RELN: variants seen among roughly 807,000 people sequenced by gnomAD.
RELN encodes the protein reelin.
RELN carries 108 observed loss-of-function variants against 427.6 expected under a neutral mutation model. The ratio of observed to expected loss-of-function variants is 0.25; its 90% CI spans 0.22 to 0.30. RELN has a LOEUF of 0.30. Among genes scored for constraint, RELN ranks in the 10% least tolerant of loss-of-function variants. The pLI is 1.00. For synonymous variants in RELN, 1,524 were observed against 1,513.4 expected (o/e 1.01, Z -0.16); for missense variants, 3,715 against 4,302.8 (o/e 0.86, Z 3.82).
At chr7:103,604,956 A>C (rs1831781791) in intron 22 of RELN, among the ~76,000 whole-genome samples, 1 of 151,704 alleles carries the variant, frequency 6.6e-6, no homozygotes, top group African/African-American at 2.4e-5. Context: ...CAGCCTCCCA[A>C]ATAGCTGGGA....
intron 17 of RELN, among the ~76,000 whole-genome samples, chr7:103,637,621 G>A (rs1481017394): frequency 6.6e-6 from 1 of 152,196 alleles, no homozygotes; most frequent in Non-Finnish European, 1.5e-5. Flanking sequence ...AAGTTTGAAG[G>A]TTGTCTTGGT....
chr7:103,745,405 G>T (rs1267178124), intron 6 of RELN, among the ~76,000 whole-genome samples: 1 of 150,776 alleles, frequency 6.6e-6, no homozygotes, highest in African/African-American at 2.5e-5. Flanking sequence ...GGTGTTGGAA[G>T]TTCTGGCCAG....
Position 103,953,327 on chromosome 7 carries a change from G to A in RELN, c.226+35804C>T, listed in dbSNP as rs753659772. On this transcript the variant is annotated intron_variant, in intron 1 of 64. Coordinates refer to ENST00000428762, the MANE Select transcript of RELN (RefSeq NM_005045.4). The surrounding 1 kb of genome is among the most constrained non-coding windows in gnomAD (Gnocchi z 4.3). ...GGTTATTGTTTTATCATTTGGTTTC[G>A]GATCCACATTCATAGCGTATTGCAC... Among the ~76,000 whole-genome samples, 44 of 152,038 alleles carry A rather than the reference G, an allele frequency of 2.9e-4. No homozygotes were observed. The highest frequency in any genetic ancestry group is 2.2e-3 in the Admixed American group (33 of 15,262).
chr7:103,615,780 A>G (rs2117300620), intron 20 of RELN, among the ~76,000 whole-genome samples: 1 of 152,324 alleles, frequency 6.6e-6, no homozygotes, highest in South Asian at 2.1e-4. Context: ...GCATGTGAGT[A>G]AGGTCCCTCA....
intron 1 of RELN, among the ~76,000 whole-genome samples, chr7:103,970,909 A>C (rs113975215): frequency 0.027 from 4,175 of 152,210 alleles, 224 homozygotes; most frequent in African/African-American, 0.096. Flanking sequence ...TAATCCCAGC[A>C]CTTTGGGAAG....
intron 1 of RELN, among the ~76,000 whole-genome samples, chr7:103,923,392 T>C (rs1411857978): frequency 6.6e-6 from 1 of 152,140 alleles, no homozygotes; most frequent in Non-Finnish European, 1.5e-5. Context: ...CATTTTGACA[T>C]GGTTTTGTGT....
intron 32 of RELN, 39 bp from the exon 33 acceptor site, chr7:103,566,451 T>C (rs1295740834): frequency 6.2e-7 from 1 of 1,601,516 alleles, no homozygotes; most frequent in South Asian, 1.1e-5. Context: ...AGAAGTTTTG[T>C]TACATAGCAA....
At chr7:103,870,167 T>C (rs571659769) in intron 2 of RELN, among the ~76,000 whole-genome samples, 1 of 152,234 alleles carries the variant, frequency 6.6e-6, no homozygotes, top group Admixed American at 6.6e-5. Context: ...TTTGAACATA[T>C]ATTGCTTTAG....
intron 18 of RELN, among the ~76,000 whole-genome samples, chr7:103,635,872 C>A (rs909535763): frequency 6.6e-6 from 1 of 152,150 alleles, no homozygotes; most frequent in East Asian, 1.9e-4. Flanking sequence ...TTCTTTACTG[C>A]ATTATTTATT....
intron 50 of RELN, chr7:103,512,702 A>AAGTT (rs1383303395): frequency 6.6e-6 from 1 of 152,224 alleles, no homozygotes; most frequent in Non-Finnish European, 1.5e-5. Context: ...TATCCCAGAA[A>AAGTT]AGTTAGAAAT....
intron 4 of RELN, among the ~76,000 whole-genome samples, chr7:103,755,539 C>T (rs1306989221): frequency 2.7e-5 from 4 of 150,554 alleles, no homozygotes; most frequent in East Asian, 2.0e-4. Flanking sequence ...ACCCAGGAGG[C>T]GGAGCTTGCA....
intron 28 of RELN, among the ~76,000 whole-genome samples, chr7:103,580,023 A>G (rs561488181): frequency 2.0e-5 from 3 of 152,284 alleles, no homozygotes; most frequent in African/African-American, 7.2e-5. Context: ...ACCAACATAT[A>G]TTCACCATCA....
intron 41 of RELN, among the ~76,000 whole-genome samples, chr7:103,546,699 T>C (rs1476057815): frequency 4.6e-5 from 7 of 152,210 alleles, no homozygotes; most frequent in Non-Finnish European, 7.3e-5. Flanking sequence ...TCTCTTTCTT[T>C]TTTTGTACCT....
chr7:103,958,508 C>T (rs1004686808), intron 1 of RELN, among the ~76,000 whole-genome samples: 4 of 152,180 alleles, frequency 2.6e-5, no homozygotes, highest in African/African-American at 7.2e-5. Context: ...TCATCTCCCA[C>T]TCCCACCAAA....
chr7:103,618,628 G>A (rs1242115153), intron 20 of RELN, among the ~76,000 whole-genome samples: 10 of 152,012 alleles, frequency 6.6e-5, no homozygotes, highest in South Asian at 2.1e-4. Flanking sequence ...CACCTGTGTC[G>A]TTTTGCTTAT....
At chr7:103,940,015 A>G (rs1231939689) in intron 1 of RELN, among the ~76,000 whole-genome samples, 2 of 152,106 alleles carry the variant, frequency 1.3e-5, no homozygotes, top group Non-Finnish European at 2.9e-5. Flanking sequence ...CATGTATATT[A>G]TTTATTATTT....
Position 103,640,651 on chromosome 7 carries a change from A to G in RELN, c.2003-42T>C. ...GAGAACATAATTACAAAAACATAGAACACTACCAGTACAATTTTGTGAAGT... is the reference window on the plus strand; with the variant it reads ...GAGAACATAATTACAAAAACATAGAGCACTACCAGTACAATTTTGTGAAGT... On this transcript the variant is annotated intron_variant, in intron 16 of 64. Coordinates refer to ENST00000428762, the MANE Select transcript of RELN (RefSeq NM_005045.4). This position sits in a 1 kb window ranked among gnomAD's most constrained non-coding sequence, Gnocchi z 4.1. The G allele has an allele frequency of 1.3e-6, 2 of 1,594,590 alleles. No homozygotes were observed. Among genetic ancestry groups the G allele is most frequent in the Non-Finnish European group, 1.7e-6 (2 of 1,164,050 alleles).
At chr7:103,489,586 G>C (rs535057710) in intron 60 of RELN, among the ~76,000 whole-genome samples, 156 bp downstream of exon 60, 4 of 152,200 alleles carry the variant, frequency 2.6e-5, no homozygotes, top group South Asian at 4.1e-4. Context: ...TTAATAATTT[G>C]TCCCAAAGTT....
chr7:103,606,935 G>T (rs1477584636), intron 22 of RELN, among the ~76,000 whole-genome samples: 3 of 151,876 alleles, frequency 2.0e-5, no homozygotes, highest in Non-Finnish European at 4.4e-5. Flanking sequence ...GCGGTGTTTG[G>T]TTTTTTGTCC....
Sources: gnomAD v4.1 joint callset for allele counts (sites outside exome capture counted in the v4.1 genomes callset) on GRCh38, gnomAD v4.1.1 for gene constraint, Gnocchi (gnomAD v3.1) non-coding constraint, MANE v1.5 for transcripts, NCBI Gene and HGNC (gene_info 2026-07-23, HGNC 2026-07-21) for gene names.